SORCS2: variants seen among roughly 807,000 people sequenced by gnomAD.
SORCS2 encodes VPS10 domain-containing receptor SorCS2.
In SORCS2, 100 loss-of-function variants were observed where a neutral mutation model predicts 141.6. The observed-to-expected ratio is 0.71, with a 90% CI of 0.60 to 0.83. The LOEUF is 0.83. Among genes scored for constraint, SORCS2 ranks in the 40% least tolerant of loss-of-function variants. The pLI, the probability that SORCS2 is intolerant of heterozygous loss-of-function variation, is 0.00. For missense variants in SORCS2, 1,646 were observed against 1,560.2 expected (o/e 1.05, Z -0.93); for synonymous variants, 789 against 676.9 (o/e 1.17, Z -2.57).
rs200373557 is a variant in SORCS2, at chr4:7,418,705, C to G, written c.548+22350C>G. ...AGCTTTTGCTGCGTAACAAATGACCCCCCCCCCCACCAGATTTGTAGATTA... is the reference window on the plus strand; with the variant it reads ...AGCTTTTGCTGCGTAACAAATGACCGCCCCCCCCACCAGATTTGTAGATTA... On this transcript the variant is annotated intron_variant, in intron 2 of 26. Transcript: ENST00000507866. Among the ~76,000 whole-genome samples the G allele has an allele frequency of 2.9e-5, 3 of 103,346 alleles. No individual in the cohort carries two copies. The South Asian group carries it at 1.1e-3, about 39-fold the overall frequency. The allele number at this position is 103,346 out of a possible 152,430, so 67.8% of individuals were successfully genotyped here.
In SORCS2 at chr4:7,664,184, C is replaced by G. The variant is rs533726922; in HGVS notation, c.953-169C>G. 6.6e-6 allele frequency among the ~76,000 whole-genome samples: 1 copy of G among 152,086 alleles called. No homozygotes were observed. Among genetic ancestry groups the G allele is most frequent in the Admixed American group, 6.6e-5 (1 of 15,260 alleles). ...CAGAGTGCAGGTGGCCCACAGTGAGCGAGGATGACACCCTCAGCCGCAGGT... is the reference window on the plus strand; with the variant it reads ...CAGAGTGCAGGTGGCCCACAGTGAGGGAGGATGACACCCTCAGCCGCAGGT... On this transcript the variant is annotated intron_variant, in intron 6 of 26. Transcript: ENST00000507866. The surrounding 1 kb of genome is among the most constrained non-coding windows in gnomAD (Gnocchi z 4.7).
In SORCS2 at chr4:7,353,326, A is replaced by G. The variant is rs115641132; in HGVS notation, c.481-42962A>G. On this transcript the variant is annotated intron_variant, in intron 1 of 26. Coordinates refer to ENST00000507866, the MANE Select transcript of SORCS2 (RefSeq NM_020777.3). ...GGGATTCTCCCAGGGCCCAGAGGGA[A>G]GTCCACTTCCAGCCTTGGTGCCAAG... is the stretch of plus-strand genomic sequence containing the variant. Among the ~76,000 whole-genome samples the G allele has an allele frequency of 1.6e-3, 245 of 152,306 alleles. 1 individual carries two copies. Among genetic ancestry groups the G allele is most frequent in the Middle Eastern group, 0.01 (3 of 294 alleles).
rs187456340 is a variant in SORCS2 at position 7,345,434 on chromosome 4, C to T, written c.481-50854C>T. 5.9e-5 allele frequency among the ~76,000 whole-genome samples: 9 copies of T among 152,284 alleles called. No homozygotes were observed. The East Asian group carries it at 7.7e-4, about 13-fold the overall frequency. On this transcript the variant is annotated intron_variant, in intron 1 of 26. Coordinates refer to ENST00000507866, the MANE Select transcript of SORCS2 (RefSeq NM_020777.3). ...ACAAATGGTTCCATCAGTTTACAAA[C>T]GAGGTCATGGACCTCAGTGAGGGGC...
intron 1 of SORCS2, among the ~76,000 whole-genome samples, chr4:7,390,956 C>T (rs1291024370): frequency 3.9e-5 from 6 of 152,098 alleles, no homozygotes; most frequent in Non-Finnish European, 8.8e-5. Flanking sequence ...CAGAAACGTG[C>T]CAGTGACCAC....
intron 2 of SORCS2, among the ~76,000 whole-genome samples, chr4:7,399,232 C>T (rs1469576939): frequency 1.3e-5 from 2 of 152,092 alleles, no homozygotes; most frequent in Admixed American, 1.3e-4. Flanking sequence ...CTTCAAGATG[C>T]TGCTTCCTCC....
intron 1 of SORCS2, among the ~76,000 whole-genome samples, chr4:7,386,159 A>G (rs982417652): frequency 4.3e-4 from 59 of 135,922 alleles, no homozygotes; most frequent in East Asian, 2.2e-3. Flanking sequence ...ACAGGTACAC[A>G]GAGATACACA....
rs1490712308 is a variant in SORCS2, at chr4:7,193,271, G to C, written c.480+145G>C. 1 of 1,103,750 alleles carries C rather than the reference G, an allele frequency of 9.1e-7. No individual in the cohort carries two copies. The highest frequency in any genetic ancestry group is 1.6e-5 in the African/African-American group (1 of 61,052). 68.4% of individuals were successfully genotyped at this position (1,103,750 alleles called of 1,614,324 possible). On this transcript the variant is annotated intron_variant, in intron 1 of 26. Coordinates refer to ENST00000507866, the MANE Select transcript of SORCS2 (RefSeq NM_020777.3). The surrounding 1 kb of genome is among the most constrained non-coding windows in gnomAD (Gnocchi z 4.8). ...CGACTTGGGCACTTGGGTCACCTCGGCCGCGCCCCTACTGGCCTCTGGTCA... is the reference window on the plus strand; with the variant it reads ...CGACTTGGGCACTTGGGTCACCTCGCCCGCGCCCCTACTGGCCTCTGGTCA...
At chr4:7,628,336 G>A (rs1055863601) in intron 3 of SORCS2, among the ~76,000 whole-genome samples, 2 of 152,226 alleles carry the variant, frequency 1.3e-5, no homozygotes, top group Non-Finnish European at 2.9e-5. Flanking sequence ...TCCTGTGAAT[G>A]GAGAAACCCC....
chr4:7,293,184 G>T (rs1577362745), intron 1 of SORCS2, among the ~76,000 whole-genome samples: 1 of 152,056 alleles, frequency 6.6e-6, no homozygotes, highest in Non-Finnish European at 1.5e-5. Context: ...GGCACCTGTA[G>T]TCCCAGCTAC....
chr4:7,649,912 C>T (rs897418810), intron 4 of SORCS2, among the ~76,000 whole-genome samples: 1 of 152,142 alleles, frequency 6.6e-6, no homozygotes, highest in African/African-American at 2.4e-5. Context: ...AGAAAAGAAG[C>T]ACGCGGCACA....
chr4:7,419,168 G>A (rs940021354), intron 2 of SORCS2, among the ~76,000 whole-genome samples: 10 of 152,224 alleles, frequency 6.6e-5, no homozygotes, highest in African/African-American at 2.4e-4. Flanking sequence ...GGGATGAATT[G>A]CAGCCATTTT....
At chr4:7,194,019 C>G (rs900131273) in intron 1 of SORCS2, among the ~76,000 whole-genome samples, 1 of 152,142 alleles carries the variant, frequency 6.6e-6, no homozygotes. Flanking sequence ...CCACTTCCCC[C>G]CACCCCCACA....
intron 1 of SORCS2, among the ~76,000 whole-genome samples, chr4:7,197,322 G>T (rs11727415): frequency 0.16 from 24,646 of 152,190 alleles, 2,024 homozygotes; most frequent in East Asian, 0.34. Flanking sequence ...GGACTTCAAC[G>T]TATGGATTTT....
intron 1 of SORCS2, among the ~76,000 whole-genome samples, chr4:7,258,150 T>A (rs6846285): frequency 0.34 from 50,810 of 151,414 alleles, 8,705 homozygotes; most frequent in East Asian, 0.41. Flanking sequence ...TTTAAAAAAA[T>A]TTTTTTTTAA....
chr4:7,706,229 T>A (rs1725443271), intron 14 of SORCS2, among the ~76,000 whole-genome samples: 1 of 119,022 alleles, frequency 8.4e-6, no homozygotes, highest in African/African-American at 3.1e-5. Context: ...TGGGCAGGGA[T>A]GAGGCTGCGC....
At chr4:7,737,517 C>T (rs1000471282) in intron 26 of SORCS2, among the ~76,000 whole-genome samples, 4 of 152,192 alleles carry the variant, frequency 2.6e-5, no homozygotes, top group African/African-American at 4.8e-5. Flanking sequence ...GGCCTCAGGA[C>T]GTGGGAGGCC....
intron 1 of SORCS2, among the ~76,000 whole-genome samples, chr4:7,393,708 C>T (rs775839517): frequency 6.6e-6 from 1 of 152,084 alleles, no homozygotes; most frequent in African/African-American, 2.4e-5. Context: ...TGGGGCTCGT[C>T]GGTGGCAGGG....
intron 24 of SORCS2, 25 bp from the exon 25 acceptor site, chr4:7,734,247 C>T (rs758107953): frequency 1.9e-6 from 3 of 1,558,660 alleles, no homozygotes; most frequent in Admixed American, 3.7e-5. Context: ...CCGAGGTCCT[C>T]CACTGACAAC....
chr4:7,242,696 G>C (rs1412421722), intron 1 of SORCS2, among the ~76,000 whole-genome samples: 1 of 152,112 alleles, frequency 6.6e-6, no homozygotes, highest in African/African-American at 2.4e-5. Flanking sequence ...TTAGCTTTTG[G>C]GTGAAGCTTT....
Sources: gnomAD v4.1 joint callset for allele counts (sites outside exome capture counted in the v4.1 genomes callset) on GRCh38, gnomAD v4.1.1 for gene constraint, Gnocchi (gnomAD v3.1) non-coding constraint, MANE v1.5 for transcripts, NCBI Gene and HGNC (gene_info 2026-07-23, HGNC 2026-07-21) for gene names.